Variants in ABLIM1 observed in about 807,000 individuals in gnomAD.
ABLIM1 encodes actin-binding LIM protein 1.
Under a neutral mutation model 107.0 loss-of-function variants are expected in ABLIM1, and 40 were observed. The ratio of observed to expected loss-of-function variants is 0.37; its 90% CI spans 0.29 to 0.49. The LOEUF is 0.49. ABLIM1 is among the 20% of genes least tolerant of loss of function. The probability of loss-of-function intolerance (pLI) is 0.97; values close to 1 mark genes in which losing one functional copy is unlikely to be tolerated. For synonymous variants in ABLIM1, 357 were observed against 357.3 expected, an observed-to-expected ratio of 1.00 and a Z score of 0.01; for missense variants, 857 against 1,008.5, an observed-to-expected ratio of 0.85 and a Z score of 2.04.
chr10:114,540,821 G>T (rs190357632), intron 6 of ABLIM1, among the ~76,000 whole-genome samples: 32 of 152,146 alleles, frequency 2.1e-4, no homozygotes, highest in Non-Finnish European at 1.5e-5. Context: ...GGGATGATAC[G>T]TGCATGATTT....
At chr10:114,500,731 AGGAAG>A (rs869259042) in intron 6 of ABLIM1, among the ~76,000 whole-genome samples, 7,492 of 72,728 alleles carry the variant, frequency 0.1, 536 homozygotes, top group African/African-American at 0.11. Flanking sequence ...AGGAAGGGAA[AGGAAG>A]GGAAGGGAAG....
intron 1 of ABLIM1, among the ~76,000 whole-genome samples, chr10:114,671,612 T>C (rs1425100348): frequency 6.6e-6 from 1 of 152,256 alleles, no homozygotes; most frequent in Non-Finnish European, 1.5e-5. Context: ...TTGTTTCACA[T>C]CCTTGACGAT....
At chr10:114,749,636 G>A (rs751325222) in intron 1 of ABLIM1, among the ~76,000 whole-genome samples, 4 of 152,060 alleles carry the variant, frequency 2.6e-5, no homozygotes, top group Admixed American at 1.3e-4. Flanking sequence ...AGTGGTTGTC[G>A]TTTCACTCAG....
At chr10:114,631,476 G>A (rs1027006210) in intron 1 of ABLIM1, among the ~76,000 whole-genome samples, 5 of 152,110 alleles carry the variant, frequency 3.3e-5, no homozygotes, top group African/African-American at 9.7e-5. Flanking sequence ...CGAGGCCTGG[G>A]CATGTCCCAG....
At chr10:114,519,568 AC>A (rs2063420410) in intron 6 of ABLIM1, among the ~76,000 whole-genome samples, 1 of 152,138 alleles carries the variant, frequency 6.6e-6, no homozygotes, top group African/African-American at 2.4e-5. Context: ...TAAATTGCAA[AC>A]CACAAGACAT....
intron 6 of ABLIM1, among the ~76,000 whole-genome samples, chr10:114,531,737 C>T (rs540080907): frequency 3.9e-5 from 6 of 152,200 alleles, no homozygotes; most frequent in Admixed American, 3.3e-4. Flanking sequence ...AGGATGGTCT[C>T]GATCTCCTGA....
At chr10:114,665,056 G>A (rs983578007) in intron 1 of ABLIM1, among the ~76,000 whole-genome samples, 5 of 151,610 alleles carry the variant, frequency 3.3e-5, no homozygotes, top group Non-Finnish European at 5.9e-5. Context: ...GGTGGAGCTT[G>A]CAGTGAGCCG....
intron 1 of ABLIM1, among the ~76,000 whole-genome samples, chr10:114,730,243 C>T (rs1296644236): frequency 6.6e-6 from 1 of 151,756 alleles, no homozygotes; most frequent in Non-Finnish European, 1.5e-5. Context: ...ACTAAAAATA[C>T]AAAAATTAGC....
chr10:114,568,674 A>C (rs982854709), intron 4 of ABLIM1, among the ~76,000 whole-genome samples: 17 of 152,210 alleles, frequency 1.1e-4, no homozygotes, highest in African/African-American at 4.1e-4. Flanking sequence ...ACTTATTTAA[A>C]TAGACAAGTA....
At chr10:114,739,716 A>G (rs927529894) in intron 1 of ABLIM1, among the ~76,000 whole-genome samples, 2 of 152,182 alleles carry the variant, frequency 1.3e-5, no homozygotes, top group Non-Finnish European at 2.9e-5. Context: ...CATTAAACAC[A>G]TCTTTCTGCC....
intron 2 of ABLIM1, among the ~76,000 whole-genome samples, chr10:114,593,046 C>G (rs896636582): frequency 1.5e-4 from 7 of 45,542 alleles, no homozygotes; most frequent in Non-Finnish European, 3.5e-4. Flanking sequence ...ATGGGGTACT[C>G]AATGGTTCAG....
chr10:114,512,895 GGA>G (rs1565725738), intron 6 of ABLIM1, among the ~76,000 whole-genome samples: 1 of 148,358 alleles, frequency 6.7e-6, no homozygotes, highest in Non-Finnish European at 1.5e-5. Flanking sequence ...AAGGAAGGAA[GGA>G]AGGAAGGAAG....
chr10:114,592,409 A>G (rs1312413450), intron 2 of ABLIM1, among the ~76,000 whole-genome samples: 2 of 152,172 alleles, frequency 1.3e-5, no homozygotes, highest in Non-Finnish European at 2.9e-5. Context: ...AAACAGGAAG[A>G]AAATGGTGGG....
chr10:114,518,858 T>A (rs2063312122), intron 6 of ABLIM1, among the ~76,000 whole-genome samples: 1 of 151,760 alleles, frequency 6.6e-6, no homozygotes, highest in Non-Finnish European at 1.5e-5. Context: ...GCTCAGACAG[T>A]GGCAGGGGAT....
rs186282612 is a variant in ABLIM1 at position 114,609,009 on chromosome 10, A to G, written c.245-7048T>C. Reference sequence around the variant, plus strand: ...TAGCCTGGGTGAGACTCTGCCTCAAAAAAAAAAAAAAGTTCCAAATAGCTC... The same window carrying G: ...TAGCCTGGGTGAGACTCTGCCTCAAGAAAAAAAAAAAGTTCCAAATAGCTC... On this transcript the variant is annotated intron_variant, in intron 1 of 22. Transcript: ENST00000533213. Among the ~76,000 whole-genome samples, 14 of 151,698 alleles carry G rather than the reference A, an allele frequency of 9.2e-5. No individual in the cohort carries two copies. The East Asian group carries it at 2.7e-3, about 29-fold the overall frequency.
At chr10:114,514,235 G>T (rs1412531983) in intron 6 of ABLIM1, among the ~76,000 whole-genome samples, 1 of 151,180 alleles carries the variant, frequency 6.6e-6, no homozygotes, top group Non-Finnish European at 1.5e-5. Flanking sequence ...GGGAGCCGGA[G>T]ATTGCGGTGA....
intron 14 of ABLIM1, among the ~76,000 whole-genome samples, chr10:114,450,581 G>A (rs1457646817): frequency 6.6e-6 from 1 of 151,714 alleles, no homozygotes; most frequent in Non-Finnish European, 1.5e-5. Flanking sequence ...GATTACAGGT[G>A]TGCGCCACCA....
intron 1 of ABLIM1, among the ~76,000 whole-genome samples, chr10:114,652,528 G>A (rs770782748): frequency 2.0e-5 from 3 of 152,150 alleles, no homozygotes; most frequent in African/African-American, 4.8e-5. Context: ...GTCTCAGCAG[G>A]TGCCTGAATC....
chr10:114,775,471 G>A, the ABLIM1 span, among the ~76,000 whole-genome samples: 1,296 of 152,272 alleles, frequency 8.5e-3, 13 homozygotes, highest in African/African-American at 0.022. Flanking sequence ...CCAAGAGAGA[G>A]GTGAGGCATA....
Sources: allele counts gnomAD v4.1 joint callset (sites outside exome capture counted in the v4.1 genomes callset), GRCh38; gene constraint gnomAD v4.1.1; transcripts MANE v1.5; gene names NCBI Gene and HGNC (gene_info 2026-07-23, HGNC 2026-07-21).